The following TP53I3 variants were observed in gnomAD, a reference collection of about 807,000 sequenced individuals.
The protein encoded by TP53I3 is quinone oxidoreductase PIG3.
Under a neutral mutation model 27.7 loss-of-function variants are expected in TP53I3, and 32 were observed. The ratio of observed to expected loss-of-function variants is 1.16; its 90% CI spans 0.87 to 1.55. TP53I3 has a LOEUF of 1.55. Ranked by LOEUF, TP53I3 falls within the 40% of genes most tolerant of loss-of-function variation. The pLI is 0.00. For missense variants in TP53I3, 372 were observed against 412.3 expected, an observed-to-expected ratio of 0.90 and a Z score of 0.85; for synonymous variants, 138 against 167.8, an observed-to-expected ratio of 0.82 and a Z score of 1.37.
At chr2:24,081,765 T>C (rs1056476010) in intron 2 of TP53I3, among the ~76,000 whole-genome samples, 5 of 150,968 alleles carry the variant, frequency 3.3e-5, no homozygotes, top group African/African-American at 1.2e-4. Context: ...CTTGGCTCAC[T>C]GCAAGCTCTG....
At position 24,084,298 on chromosome 2, in the gene TP53I3, C is replaced by T. The variant is rs1165356527; in HGVS notation, c.29G>A (p.Gly10Glu). The change falls in exon 1 of 5, where the codon GGA becomes GAA. Residue 10 changes from glycine to glutamate, a missense_variant. Transcript: ENST00000238721. The surrounding 1 kb of genome is among the most constrained non-coding windows in gnomAD (Gnocchi z 8.4). Reference protein sequence around the residue: MLAVHFDKPGGPENLYVKEV... With the variant: MLAVHFDKPEGPENLYVKEV... ...CTTCACGTAGAGGTTTTCCGGTCCT[C>T]CCGGCTTGTCAAAGTGCACGGCTAA... 1 of 1,613,978 alleles carries T rather than the reference C, an allele frequency of 6.2e-7. No homozygotes were observed. Among genetic ancestry groups the T allele is most frequent in the African/African-American group, 1.3e-5 (1 of 74,934 alleles).
Position 24,077,861 on chromosome 2 carries a change from G to A in TP53I3, c.817-100C>T. On this transcript the variant is annotated intron_variant, in intron 4 of 4. Transcript: ENST00000238721. The surrounding 1 kb of genome is among the most constrained non-coding windows in gnomAD (Gnocchi z 5.5). ...TTGCTCTCTCTGAAGCCACGTATCT[G>A]AAAAAGCACACAGGGACACTTAACC... The A allele has an allele frequency of 7.4e-7, 1 of 1,347,118 alleles. No homozygotes were observed. The highest frequency in any genetic ancestry group is 2.3e-5 in the East Asian group (1 of 43,132). 83.4% of individuals were successfully genotyped at this position (1,347,118 alleles called of 1,614,324 possible). A position where few individuals can be genotyped will look rare whatever the true frequency, so the allele number is the denominator to read the frequency against.
At chr2:24,081,995 T>C (rs925587585) in intron 2 of TP53I3, among the ~76,000 whole-genome samples, 2 of 151,820 alleles carry the variant, frequency 1.3e-5, no homozygotes, top group African/African-American at 4.8e-5. Flanking sequence ...ACGCCCAGCC[T>C]ACTCTTTCTT....
In TP53I3 at chr2:24,080,895, T is replaced by C; in HGVS notation, c.543A>G (p.Ala181=). The change falls in exon 3 of 5, where the codon GCA becomes GCG. Residue 181 remains alanine, a synonymous_variant. Coordinates refer to ENST00000238721, the MANE Select transcript of TP53I3 (RefSeq NM_004881.5). The surrounding 1 kb of genome is among the most constrained non-coding windows in gnomAD (Gnocchi z 4.7). ...ATCCAGCAGCTGCTCCAAGCTTTTC[T>C]GCCATTTGAAGCTTCTTCTGGGAGC... ...TAGSQKKLQM[A]EKLGAAAGFN... is the part of the protein sequence containing the mutation. The C allele has an allele frequency of 6.2e-7, 1 of 1,614,248 alleles. No homozygotes were observed. Among genetic ancestry groups the C allele is most frequent in the Non-Finnish European group, 8.5e-7 (1 of 1,180,040 alleles).
Position 24,077,759 on chromosome 2 carries a change from G to A in TP53I3, c.819C>T (p.Tyr273=). 6.2e-7 allele frequency: 1 copy of A among 1,612,640 alleles called. No individual in the cohort carries two copies. The change falls in exon 5 of 5, where the codon TAC becomes TAT. Residue 273 remains tyrosine, a splice_region_variant and synonymous_variant. Coordinates refer to ENST00000238721, the MANE Select transcript of TP53I3 (RefSeq NM_004881.5). This position sits in a 1 kb window ranked among gnomAD's most constrained non-coding sequence, Gnocchi z 5.5. ...TGAAAGCATTCACCAGCATTTGCTT[G>A]TACTAAGACAAGGGAAAGGAGATCA... ...TSLLRSRDNK[Y]KQMLVNAFTE... is the part of the protein sequence containing the mutation.
chr2:24,080,759 G>A lies in TP53I3; in HGVS notation c.619+60C>T. On this transcript the variant is annotated intron_variant, in intron 3 of 4. Coordinates refer to ENST00000238721, the MANE Select transcript of TP53I3 (RefSeq NM_004881.5). This position sits in a 1 kb window ranked among gnomAD's most constrained non-coding sequence, Gnocchi z 4.7. ...CACAGCACTGGCAACTTTGAGACTG[G>A]TGGGGCTTTTATTTAATCATCTCTT... 6.2e-7 allele frequency: 1 copy of A among 1,603,650 alleles called. No individual in the cohort carries two copies. Among genetic ancestry groups the A allele is most frequent in the African/African-American group, 1.3e-5 (1 of 74,652 alleles).
intron 1 of TP53I3, 84 bp from the exon 2 acceptor site, chr2:24,083,236 T>A: frequency 2.8e-6 from 4 of 1,433,294 alleles, no homozygotes; most frequent in South Asian, 2.9e-5. Context: ...CAAGATCCCC[T>A]CTTTTTTTTT....
rs1180414116 is a variant in TP53I3 at position 24,084,342 on chromosome 2, A to C, written c.-16T>G. On this transcript the variant is annotated 5_prime_UTR_variant, in exon 1 of 5. Coordinates refer to ENST00000238721, the MANE Select transcript of TP53I3 (RefSeq NM_004881.5). The surrounding 1 kb of genome is among the most constrained non-coding windows in gnomAD (Gnocchi z 8.4). ...CGGCTAACATATTGTCTGAGGACAC[A>C]GGGCAGGGCAGGGCAGGACAGGACA... 1.4e-6 allele frequency: 2 copies of C among 1,425,314 alleles called. No individual in the cohort carries two copies. Among genetic ancestry groups the C allele is most frequent in the Non-Finnish European group, 9.5e-7 (1 of 1,048,952 alleles). The allele number at this position is 1,425,314 out of a possible 1,614,324, so 88.3% of individuals were successfully genotyped here.
In TP53I3 at chr2:24,080,767, T is replaced by G. The variant is rs1481185269; in HGVS notation, c.619+52A>C. On this transcript the variant is annotated intron_variant, in intron 3 of 4. Coordinates refer to ENST00000238721, the MANE Select transcript of TP53I3 (RefSeq NM_004881.5). This position sits in a 1 kb window ranked among gnomAD's most constrained non-coding sequence, Gnocchi z 4.7. ...TGGCAACTTTGAGACTGGTGGGGCT[T>G]TTATTTAATCATCTCTTAAATTCCT... 3 of 1,607,246 alleles carry G rather than the reference T, an allele frequency of 1.9e-6. No individual in the cohort carries two copies.
rs1411772587 is a variant in TP53I3 at position 24,077,822 on chromosome 2, C to T, written c.817-61G>A. ...GAGAGCCTCACCCTGCCCTCCTCAT[C>T]CTCCTCAGCCTTCTTGCTCTCTCTG... is the stretch of plus-strand genomic sequence containing the variant. On this transcript the variant is annotated intron_variant, in intron 4 of 4. Coordinates refer to ENST00000238721, the MANE Select transcript of TP53I3 (RefSeq NM_004881.5). This position sits in a 1 kb window ranked among gnomAD's most constrained non-coding sequence, Gnocchi z 5.5. 6.5e-6 allele frequency: 10 copies of T among 1,541,304 alleles called. No homozygotes were observed. Among genetic ancestry groups the T allele is most frequent in the African/African-American group, 1.4e-5 (1 of 72,724 alleles).
In TP53I3 at chr2:24,084,080, C is replaced by T; in HGVS notation, c.138+109G>A. 7.0e-7 allele frequency: 1 copy of T among 1,438,624 alleles called. No homozygotes were observed. Among genetic ancestry groups the T allele is most frequent in the South Asian group, 1.4e-5 (1 of 70,164 alleles). The allele number at this position is 1,438,624 out of a possible 1,614,324, so 89.1% of individuals were successfully genotyped here. ...TGGGAAGCCCCAGCGCAGCTGCCTG[C>T]TGGGTGTGGAGCGGTGCACGCCTTC... On this transcript the variant is annotated intron_variant, in intron 1 of 4. Transcript: ENST00000238721. This position sits in a 1 kb window ranked among gnomAD's most constrained non-coding sequence, Gnocchi z 8.4.
Position 24,080,736 on chromosome 2 carries a change from C to CA in TP53I3, c.619+82dup, listed in dbSNP as rs1459916165. ...ACTTAGCAGAGGTAAGACTGATACACAGCACTGGCAACTTTGAGACTGGTG... is the reference window on the plus strand; with the variant it reads ...ACTTAGCAGAGGTAAGACTGATACACAAGCACTGGCAACTTTGAGACTGGTG... On this transcript the variant is annotated intron_variant, in intron 3 of 4. Coordinates refer to ENST00000238721, the MANE Select transcript of TP53I3 (RefSeq NM_004881.5). This position sits in a 1 kb window ranked among gnomAD's most constrained non-coding sequence, Gnocchi z 4.7. 8 of 1,553,692 alleles carry CA rather than the reference C, an allele frequency of 5.1e-6. No individual in the cohort carries two copies. In the African/African-American group the frequency reaches 6.8e-5, roughly 13 times the overall value.
At chr2:24,082,649 G>A (rs1400566197) in intron 2 of TP53I3, among the ~76,000 whole-genome samples, 2 of 152,066 alleles carry the variant, frequency 1.3e-5, no homozygotes, top group Non-Finnish European at 2.9e-5. Flanking sequence ...ACTTCTGCTG[G>A]GCGTCCGGTG....
intron 3 of TP53I3, 46 bp from the exon 4 acceptor site, chr2:24,079,686 A>G (rs1204740014): frequency 1.7e-5 from 26 of 1,566,084 alleles, no homozygotes; most frequent in Non-Finnish European, 2.3e-5. Flanking sequence ...TTGGTGCTAA[A>G]TAAGATACCA....
intron 1 of TP53I3, 61 bp from the exon 2 acceptor site, chr2:24,083,213 C>T (rs1400342416): frequency 6.7e-7 from 1 of 1,488,390 alleles, no homozygotes; most frequent in Non-Finnish European, 8.9e-7. Context: ...GTCACTACCC[C>T]TGGCCCCCCT....
At chr2:24,081,707 G>A (rs1421063217) in intron 2 of TP53I3, among the ~76,000 whole-genome samples, 2 of 71,682 alleles carry the variant, frequency 2.8e-5, no homozygotes, top group East Asian at 8.6e-4. Context: ...TTTTTTTTTT[G>A]AGACGGAGTC....
In TP53I3 at chr2:24,082,872, G is replaced by C; in HGVS notation, c.406+13C>G. The C allele has an allele frequency of 6.3e-7, 1 of 1,594,716 alleles. No homozygotes were observed. The highest frequency in any genetic ancestry group is 8.6e-7 in the Non-Finnish European group (1 of 1,168,744). On this transcript the variant is annotated intron_variant, in intron 2 of 4. Transcript: ENST00000238721. ...AGCCACATTGTGTGGAGTGAGCATG[G>C]AGGCCTCCTCACCCACAAGATGTAA... is the stretch of plus-strand genomic sequence containing the variant.
rs767848250 is a variant in TP53I3 at position 24,083,126 on chromosome 2, T to A, written c.165A>T (p.Pro55=). 1 of 1,613,152 alleles carries A rather than the reference T, an allele frequency of 6.2e-7. No individual in the cohort carries two copies. Among genetic ancestry groups the A allele is most frequent in the Non-Finnish European group, 8.5e-7 (1 of 1,179,436 alleles). Residue 55 remains proline (P), a synonymous_variant, in exon 2 of 5, where the codon CCA becomes CCT. Transcript: ENST00000238721. ...MQRQGQYDPP[P]GASNILGLEA... ...CAAGTCCCAAAATGTTGCTGGCTCCTGGAGGTGGGTCATACTGGCCTTGTC... is the reference window on the plus strand; with the variant it reads ...CAAGTCCCAAAATGTTGCTGGCTCCAGGAGGTGGGTCATACTGGCCTTGTC...
Position 24,084,390 on chromosome 2 carries a change from A to ACAGGGCAGGG in TP53I3, c.-74_-65dup, listed in dbSNP as rs3030953. 0.14 allele frequency: 162,224 copies of ACAGGGCAGGG among 1,155,016 alleles called. 12,740 individuals carry two copies. Among genetic ancestry groups the ACAGGGCAGGG allele is most frequent in the South Asian group, 0.17 (11,330 of 64,776 alleles). The allele number at this position is 1,155,016 out of a possible 1,614,324, so 71.5% of individuals were successfully genotyped here. On this transcript the variant is annotated 5_prime_UTR_variant, in exon 1 of 5. Coordinates refer to ENST00000238721, the MANE Select transcript of TP53I3 (RefSeq NM_004881.5). This position sits in a 1 kb window ranked among gnomAD's most constrained non-coding sequence, Gnocchi z 8.4. ...ACAGGGCAGGGCAGGGCAGGACAGG[A>ACAGGGCAGGG]CAGGGCAGGGCAGGACAGGACAGGG...
Sources: gnomAD v4.1 joint callset for allele counts (sites outside exome capture counted in the v4.1 genomes callset) on GRCh38, gnomAD v4.1.1 for gene constraint, Gnocchi (gnomAD v3.1) non-coding constraint, MANE v1.5 for transcripts, NCBI Gene and HGNC (gene_info 2026-07-23, HGNC 2026-07-21) for gene names.